CHKB: variants seen among roughly 807,000 people sequenced by gnomAD.
CHKB encodes the protein choline/ethanolamine kinase.
A neutral mutation model predicts 57.3 loss-of-function variants in CHKB; 45 were observed. The observed-to-expected ratio is 0.79, with a 90% CI of 0.62 to 1.01. CHKB has a LOEUF of 1.01. CHKB is among the 50% of genes least tolerant of loss of function. The pLI, the probability that CHKB is intolerant of heterozygous loss-of-function variation, is 0.00. For missense variants in CHKB, 517 were observed against 502.8 expected (o/e 1.03, Z -0.27); for synonymous variants, 224 against 201.8 (o/e 1.11, Z -0.93).
intron 4 of CHKB, 165 bp from the exon 5 acceptor site, chr22:50,580,825 G>C: frequency 1.4e-6 from 1 of 697,430 alleles, no homozygotes; most frequent in East Asian, 2.9e-5. Context: ...TGTCACCCAG[G>C]CTGGAGTGCA....
chr22:50,581,346 G>T, intron 4 of CHKB, 74 bp downstream of exon 4: 2 of 1,583,160 alleles, frequency 1.3e-6, no homozygotes, highest in South Asian at 2.3e-5. Flanking sequence ...GGGCTGGATA[G>T]AGCCCCCGAC....
chr22:50,579,336 C>A lies in CHKB; in HGVS notation c.1114-81G>T, dbSNP rs2070620087. 49 of 1,582,186 alleles carry A rather than the reference C, an allele frequency of 3.1e-5. No individual in the cohort carries two copies. In the South Asian group the frequency reaches 5.2e-4, roughly 17 times the overall value. ...ACATCCACCTCAGGCTGCCCACAGCCACCCGGGACTCCCCAGGCCTCCTGG... is the reference window on the plus strand; with the variant it reads ...ACATCCACCTCAGGCTGCCCACAGCAACCCGGGACTCCCCAGGCCTCCTGG... On this transcript the variant is annotated intron_variant, in intron 10 of 10. Coordinates refer to ENST00000406938, the MANE Select transcript of CHKB (RefSeq NM_005198.5).
chr22:50,580,298 C>A, intron 6 of CHKB, 27 bp from the exon 7 acceptor site: 2 of 1,613,886 alleles, frequency 1.2e-6, no homozygotes, highest in South Asian at 1.1e-5. Flanking sequence ...AGGTTCTGCT[C>A]ACTCCAGAGC....
rs866627132 is a variant in CHKB at position 50,582,772 on chromosome 22, C to T, written c.10G>A (p.Glu4Lys). The T allele has an allele frequency of 1.9e-6, 3 of 1,576,332 alleles. No homozygotes were observed. The highest frequency in any genetic ancestry group is 1.1e-5 in the South Asian group (1 of 87,246). ...CCGCTTCCGGCCACAGCTGTCGCCT[C>T]GGCCGCCATGGCGCGGGCTCGACCG... The part of the protein sequence containing the change: MAA[E>K]ATAVAGSGAV... Residue 4 changes from glutamate to lysine, a missense_variant, in exon 1 of 11, where the codon GAG becomes AAG. Transcript: ENST00000406938.
At position 50,579,493 on chromosome 22, in the gene CHKB, G is replaced by T. The variant is rs1300971083; in HGVS notation, c.1046C>A (p.Ser349Tyr). 1 of 1,613,524 alleles carries T rather than the reference G, an allele frequency of 6.2e-7. No homozygotes were observed. Among genetic ancestry groups the T allele is most frequent in the Admixed American group, 1.7e-5 (1 of 60,020 alleles). The change falls in exon 10 of 11, where the codon TCC becomes TAC. Residue 349 changes from serine to tyrosine, a missense_variant. Ser to Tyr is a moderately radical substitution (Grantham distance 144). Transcript: ENST00000406938. ...GGACCACAGACCCCAGAAGAAATGG[G>T]ATGCCAGAGCATACCTGGGGGGAGG... ...LVEVSRYALASHFFWGLWSIL... is the reference protein window; with the variant it reads ...LVEVSRYALAYHFFWGLWSIL...
In CHKB at chr22:50,580,380, G is replaced by C. The variant is rs2070662071; in HGVS notation, c.714C>G (p.Phe238Leu). The change falls in exon 6 of 11, where the codon TTC (phenylalanine) becomes TTG (leucine). Residue 238 changes from phenylalanine to leucine, a missense_variant. Transcript: ENST00000406938. ...TACCTTCCTGGATGTCATTGTGGCA[G>C]AAGACGACTGGCGATGGGGTAGACT... ...LLESTPSPVV[F>L]CHNDIQEGNI... 6.2e-7 allele frequency: 1 copy of C among 1,614,062 alleles called. No homozygotes were observed. Among genetic ancestry groups the C allele is most frequent in the Non-Finnish European group, 8.5e-7 (1 of 1,180,032 alleles).
chr22:50,581,680 A>C, intron 3 of CHKB, 69 bp downstream of exon 3: 1 of 1,572,428 alleles, frequency 6.4e-7, no homozygotes, highest in Non-Finnish European at 8.7e-7. Flanking sequence ...GGAGGCAGAC[A>C]TTGGGCACTG....
Position 50,582,620 on chromosome 22 carries a change from C to T in CHKB, c.162G>A (p.Arg54=). The T allele has an allele frequency of 1.2e-6, 2 of 1,611,456 alleles. No homozygotes were observed. The change falls in exon 1 of 11, where the codon CGG becomes CGA. Residue 54 remains arginine, a synonymous_variant. Transcript: ENST00000406938. ...GGCGCCAGGCCCCGCCCAAGTACTC[C>T]CGGCACCATTGGTAGGCTCGGCGCT... ...DAERRAYQWC[R]EYLGGAWRRV...
chr22:50,579,750 T>G lies in CHKB; in HGVS notation c.1008A>C (p.Glu336Asp). 1 of 1,614,036 alleles carries G rather than the reference T, an allele frequency of 6.2e-7. No homozygotes were observed. The highest frequency in any genetic ancestry group is 2.2e-5 in the East Asian group (1 of 44,880). The change falls in exon 9 of 11, where the codon GAA becomes GAC. Residue 336 changes from glutamate to aspartate, a missense_variant. Transcript: ENST00000406938. ...LSQEEQRKLEEDLLVEVSRYA... is the reference protein window; with the variant it reads ...LSQEEQRKLEDDLLVEVSRYA... ...ACCGACTGACTTCTACCAGCAAATC[T>G]TCTTCCAGTTTTCTCTGCTCCTCTT...
chr22:50,582,282 C>G lies in CHKB; in HGVS notation c.300G>C (p.Glu100Asp), dbSNP rs765518636. Residue 100 changes from glutamate (E) to aspartate (D), a missense_variant, in exon 2 of 11, where the codon GAG (glutamate) becomes GAC (aspartate). Physicochemically the swap from Glu to Asp is conservative, Grantham distance 45. Coordinates refer to ENST00000406938, the MANE Select transcript of CHKB (RefSeq NM_005198.5). ...TGGCTCCGTACAGCCGCAGAAGCACCTCCCGGGGCTCCTCGCCAACGCTGG... is the reference window on the plus strand; with the variant it reads ...TGGCTCCGTACAGCCGCAGAAGCACGTCCCGGGGCTCCTCGCCAACGCTGG... ...HLPSVGEEPR[E>D]VLLRLYGAIL... 3 of 1,594,406 alleles carry G rather than the reference C, an allele frequency of 1.9e-6. No homozygotes were observed. Among genetic ancestry groups the G allele is most frequent in the Non-Finnish European group, 2.6e-6 (3 of 1,172,770 alleles).
At chr22:50,580,761 G>A (rs2070675448) in intron 4 of CHKB, 101 bp from the exon 5 acceptor site, 1 of 990,458 alleles carries the variant, frequency 1.0e-6, no homozygotes, top group Non-Finnish European at 1.6e-6. Context: ...TCCTATCACT[G>A]TGTGACTTGT....
Position 50,579,900 on chromosome 22 carries a change from G to T in CHKB, c.928-70C>A, listed in dbSNP as rs2146652437. ...TATTTCCCAGGTAACATCCTTTCCG[G>T]CCATTCCTTCCAGACTCCACCTCCC... On this transcript the variant is annotated intron_variant, in intron 8 of 10. Transcript: ENST00000406938. 4 of 1,595,620 alleles carry T rather than the reference G, an allele frequency of 2.5e-6. No individual in the cohort carries two copies. In the East Asian group the frequency reaches 6.7e-5, roughly 27 times the overall value.
Position 50,582,602 on chromosome 22 carries a change from GGCCCC to G in CHKB, c.175_179del (p.Gly59LeufsTer149). 1 of 1,610,956 alleles carries G rather than the reference GGCCCC, an allele frequency of 6.2e-7. No individual in the cohort carries two copies. The highest frequency in any genetic ancestry group is 8.5e-7 in the Non-Finnish European group (1 of 1,179,218). Reference sequence around the variant, plus strand: ...GCTCCTCGGGCTGCACTCGGCGCCAGGCCCCGCCCAAGTACTCCCGGCACCATTGG... The same window carrying G: ...GCTCCTCGGGCTGCACTCGGCGCCAGGCCCAAGTACTCCCGGCACCATTGG... On this transcript the variant is annotated frameshift_variant, in exon 1 of 11. Coordinates refer to ENST00000406938, the MANE Select transcript of CHKB (RefSeq NM_005198.5). LOFTEE classifies it high-confidence loss of function.
At chr22:50,581,071 G>A (rs749217515) in intron 4 of CHKB, among the ~76,000 whole-genome samples, 5 of 151,946 alleles carry the variant, frequency 3.3e-5, no homozygotes, top group East Asian at 1.9e-4. Context: ...ATGAGCCACC[G>A]TGCCTGGCCT....
chr22:50,580,941 G>C (rs907730225), intron 4 of CHKB, among the ~76,000 whole-genome samples: 3 of 151,926 alleles, frequency 2.0e-5, no homozygotes, highest in Non-Finnish European at 4.4e-5. Flanking sequence ...TGCCATGCCT[G>C]GCTAATTTTT....
Position 50,581,862 on chromosome 22 carries a change from C to G in CHKB, c.334G>C (p.Gly112Arg), listed in dbSNP as rs150987240. ...LLRLYGAILQGVDSLVLESVM... is the reference protein window; with the variant it reads ...LLRLYGAILQRVDSLVLESVM... Reference sequence around the variant, plus strand: ...CTTTCTAGCACCAGGGAGTCCACGCCCTGAAAAAGGATGGACAGCAAAGGG... The same window carrying G: ...CTTTCTAGCACCAGGGAGTCCACGCGCTGAAAAAGGATGGACAGCAAAGGG... Residue 112 changes from glycine (G) to arginine (R), a missense_variant and splice_region_variant, in exon 3 of 11, where the codon GGC becomes CGC. By Grantham distance (125) the Gly-to-Arg change is moderately radical. Transcript: ENST00000406938. The G allele has an allele frequency of 6.2e-7, 1 of 1,613,630 alleles. No homozygotes were observed. The highest frequency in any genetic ancestry group is 8.5e-7 in the Non-Finnish European group (1 of 1,179,930).
chr22:50,580,847 T>G (rs375939282), intron 4 of CHKB, 187 bp from the exon 5 acceptor site: 8 of 600,066 alleles, frequency 1.3e-5, no homozygotes, highest in Non-Finnish European at 2.1e-5. Context: ...TGGCGCGATC[T>G]TGGCTCACTG....
At chr22:50,581,363 G>A (rs999513906) in intron 4 of CHKB, 57 bp downstream of exon 4, 17 of 1,604,400 alleles carry the variant, frequency 1.1e-5, no homozygotes, top group South Asian at 4.4e-5. Flanking sequence ...CGACACATCC[G>A]CTGGCATGGA....
chr22:50,582,821 G>T lies in CHKB; in HGVS notation c.-40C>A. On this transcript the variant is annotated 5_prime_UTR_variant, in exon 1 of 11. Coordinates refer to ENST00000406938, the MANE Select transcript of CHKB (RefSeq NM_005198.5). The stretch of plus-strand genomic sequence containing the variant: ...CGGGCCCCAGGCCAGGCTGCGCTCC[G>T]CTCCCTTCGGACGGGCTCGGTTCCT... The T allele has an allele frequency of 6.6e-7, 1 of 1,517,964 alleles. No homozygotes were observed. The allele number at this position is 1,517,964 out of a possible 1,614,324, so 94.0% of individuals were successfully genotyped here.
Sources: allele counts gnomAD v4.1 joint callset (sites outside exome capture counted in the v4.1 genomes callset), GRCh38; gene constraint gnomAD v4.1.1; transcripts MANE v1.5; gene names NCBI Gene and HGNC (gene_info 2026-07-23, HGNC 2026-07-21).